The following MINAR2 variants were observed in gnomAD, a reference collection of about 807,000 sequenced individuals.
MINAR2 encodes major intrinsically disordered NOTCH2-binding receptor 1-like.
Under a neutral mutation model 16.1 loss-of-function variants are expected in MINAR2, and 21 were observed. The observed-to-expected ratio is 1.31, with a 90% CI of 0.93 to 1.88. The LOEUF is 1.88. Among genes scored for constraint, MINAR2 ranks in the 40% most tolerant of loss-of-function variants. MINAR2 has a pLI of 0.00. For missense variants in MINAR2, 259 were observed against 229.8 expected, an observed-to-expected ratio of 1.13 and a Z score of -0.82; for synonymous variants, 86 against 83.0, an observed-to-expected ratio of 1.04 and a Z score of -0.20.
chr5:129,758,112 G>A (rs1758079095), intron 1 of MINAR2, among the ~76,000 whole-genome samples: 1 of 151,866 alleles, frequency 6.6e-6, no homozygotes, highest in Non-Finnish European at 1.5e-5. Context: ...GCTTAATACA[G>A]AAAAGCCTAG....
At chr5:129,756,934 T>TAAAAAAAA (rs34547893) in intron 1 of MINAR2, among the ~76,000 whole-genome samples, 7 of 73,986 alleles carry the variant, frequency 9.5e-5, no homozygotes, top group South Asian at 5.0e-4. Context: ...CTTTCCACAG[T>TAAAAAAAA]AAAAAAAAAA....
In MINAR2 at chr5:129,765,135, A is replaced by T. The variant is rs368409257; in HGVS notation, c.*72A>T. The T allele has an allele frequency of 2.5e-6, 2 of 798,662 alleles. No homozygotes were observed. 49.5% of individuals were successfully genotyped at this position (798,662 alleles called of 1,614,324 possible). On this transcript the variant is annotated 3_prime_UTR_variant, in exon 3 of 3. Coordinates refer to ENST00000564719, the MANE Select transcript of MINAR2 (RefSeq NM_001257308.2). ...CTGATAAACATTTGAAACCCCCCCCACCAAAATAACAAAAAAACACATGTA... is the reference window on the plus strand; with the variant it reads ...CTGATAAACATTTGAAACCCCCCCCTCCAAAATAACAAAAAAACACATGTA...
intron 1 of MINAR2, among the ~76,000 whole-genome samples, chr5:129,753,310 C>T (rs1758009504): frequency 6.6e-6 from 1 of 151,616 alleles, no homozygotes. Flanking sequence ...ATGGCAAAAC[C>T]CCATCTATAG....
Position 129,748,382 on chromosome 5 carries a change from G to A in MINAR2, c.165+27G>A, listed in dbSNP as rs78028068. 3.2e-4 allele frequency: 490 copies of A among 1,527,328 alleles called. 1 individual carries two copies. Among genetic ancestry groups the A allele is most frequent in the African/African-American group, 3.1e-3 (227 of 72,708 alleles). 94.6% of individuals were successfully genotyped at this position (1,527,328 alleles called of 1,614,324 possible). On this transcript the variant is annotated intron_variant, in intron 1 of 2. Coordinates refer to ENST00000564719, the MANE Select transcript of MINAR2 (RefSeq NM_001257308.2). ...TAAGATCTAGGGGCACAAAAATACG[G>A]GGATGGAGGCTTGTTTCTTTCTCGC...
At chr5:129,749,007 T>G (rs1031291697) in intron 1 of MINAR2, among the ~76,000 whole-genome samples, 2 of 152,208 alleles carry the variant, frequency 1.3e-5, no homozygotes, top group African/African-American at 2.4e-5. Context: ...TCTTTTCTTT[T>G]GCATTTTCCT....
intron 1 of MINAR2, among the ~76,000 whole-genome samples, chr5:129,752,764 A>G (rs936384084): frequency 6.8e-6 from 1 of 147,700 alleles, no homozygotes; most frequent in Non-Finnish European, 1.5e-5. Context: ...ATGGCAAGAA[A>G]GAAAAATGTG....
At chr5:129,750,150 A>G (rs1004207313) in intron 1 of MINAR2, among the ~76,000 whole-genome samples, 7 of 152,206 alleles carry the variant, frequency 4.6e-5, no homozygotes, top group African/African-American at 1.7e-4. Flanking sequence ...AACAACAACA[A>G]TATTCACCAC....
chr5:129,760,618 A>G lies in MINAR2; in HGVS notation c.393+13A>G. 2 of 1,518,112 alleles carry G rather than the reference A, an allele frequency of 1.3e-6. No homozygotes were observed. The highest frequency in any genetic ancestry group is 2.4e-5 in the South Asian group (2 of 83,590). 94.0% of individuals were successfully genotyped at this position (1,518,112 alleles called of 1,614,324 possible). A position where few individuals can be genotyped will look rare whatever the true frequency, so the allele number is the denominator to read the frequency against. On this transcript the variant is annotated intron_variant, in intron 2 of 2. Coordinates refer to ENST00000564719, the MANE Select transcript of MINAR2 (RefSeq NM_001257308.2). Reference sequence around the variant, plus strand: ...TGGACATCTGAAGGTACTCACGACTAAGAGTCAACCTCTTCAACTGATAAG... The same window carrying G: ...TGGACATCTGAAGGTACTCACGACTGAGAGTCAACCTCTTCAACTGATAAG...
chr5:129,760,404 A>T lies in MINAR2; in HGVS notation c.192A>T (p.Gln64His). 1 of 1,535,674 alleles carries T rather than the reference A, an allele frequency of 6.5e-7. No individual in the cohort carries two copies. The highest frequency in any genetic ancestry group is 8.7e-7 in the Non-Finnish European group (1 of 1,146,532). ...SQREKKNIAA[Q>H]RIRGSSADSL... ...GGGAAAAGAAGAATATTGCTGCTCA[A>T]CGAATTAGGGGATCCAGTGCAGACA... Residue 64 changes from glutamine to histidine, a missense_variant, in exon 2 of 3, where the codon CAA becomes CAT. Transcript: ENST00000564719.
chr5:129,751,123 T>C (rs961856418), intron 1 of MINAR2, among the ~76,000 whole-genome samples: 1 of 152,218 alleles, frequency 6.6e-6, no homozygotes, highest in Admixed American at 6.5e-5. Flanking sequence ...CAATGACTTA[T>C]CATCTAACTT....
intron 1 of MINAR2, among the ~76,000 whole-genome samples, chr5:129,753,763 G>GAGAGAGAGTGAGAGCGTC (rs1758017706): frequency 6.6e-6 from 1 of 151,016 alleles, no homozygotes; most frequent in South Asian, 2.1e-4. Context: ...AAGAGAGAGA[G>GAGAGAGAGTGAGAGCGTC]AGAGAGAGTG....
At position 129,748,242 on chromosome 5, in the gene MINAR2, C is replaced by T. The variant is rs538504066; in HGVS notation, c.52C>T (p.Leu18Phe). 179 of 1,535,226 alleles carry T rather than the reference C, an allele frequency of 1.2e-4. No individual in the cohort carries two copies. The African/African-American group carries it at 2.2e-3, about 19-fold the overall frequency. ...CAACCATCCTGACAAATTCCTGCAGCTTGACGTAAAGTCTTTAACGAGGAG... is the reference window on the plus strand; with the variant it reads ...CAACCATCCTGACAAATTCCTGCAGTTTGACGTAAAGTCTTTAACGAGGAG... The part of the protein sequence containing the change: ...NNNHPDKFLQ[L>F]DVKSLTRSSA... Residue 18 changes from leucine to phenylalanine, a missense_variant, in exon 1 of 3, where the codon CTT (leucine) becomes TTT (phenylalanine). Transcript: ENST00000564719.
At position 129,750,234 on chromosome 5, in the gene MINAR2, T is replaced by C. The variant is rs549636289; in HGVS notation, c.165+1879T>C. ...TAAAATCCATGATTGATATATTCATTGGATAAAACAATAAATGTCATAGAA... is the reference window on the plus strand; with the variant it reads ...TAAAATCCATGATTGATATATTCATCGGATAAAACAATAAATGTCATAGAA... On this transcript the variant is annotated intron_variant, in intron 1 of 2. Coordinates refer to ENST00000564719, the MANE Select transcript of MINAR2 (RefSeq NM_001257308.2). Among the ~76,000 whole-genome samples, 3 of 152,310 alleles carry C rather than the reference T, an allele frequency of 2.0e-5. No homozygotes were observed. In the East Asian group the frequency reaches 5.8e-4, roughly 29 times the overall value.
rs967460674 is a variant in MINAR2 at position 129,760,446 on chromosome 5, T to G, written c.234T>G (p.Asp78Glu). Residue 78 changes from aspartate (D) to glutamate (E), a missense_variant, in exon 2 of 3, where the codon GAT becomes GAG. Transcript: ENST00000564719. ...GSSADSLVTA[D>E]SPPPSMSSVM... is the part of the protein sequence containing the mutation. ...GTGCAGACAGCCTTGTCACTGCTGATAGCCCCCCACCATCCATGTCATCAG... is the reference window on the plus strand; with the variant it reads ...GTGCAGACAGCCTTGTCACTGCTGAGAGCCCCCCACCATCCATGTCATCAG... 39 of 1,535,844 alleles carry G rather than the reference T, an allele frequency of 2.5e-5. No individual in the cohort carries two copies. The Middle Eastern group carries it at 1.2e-3, about 46-fold the overall frequency.
intron 1 of MINAR2, among the ~76,000 whole-genome samples, chr5:129,752,203 C>T (rs1390432724): frequency 6.6e-6 from 1 of 152,098 alleles, no homozygotes; most frequent in Non-Finnish European, 1.5e-5. Context: ...ACCATTTGAC[C>T]CAGCAATCCC....
chr5:129,761,213 C>A (rs927793903), intron 2 of MINAR2, among the ~76,000 whole-genome samples: 2 of 152,162 alleles, frequency 1.3e-5, no homozygotes, highest in African/African-American at 4.8e-5. Context: ...TGTTTGCCCC[C>A]ACTGGTGTCA....
intron 1 of MINAR2, among the ~76,000 whole-genome samples, chr5:129,754,902 A>G (rs925002736): frequency 1.3e-5 from 2 of 152,136 alleles, no homozygotes; most frequent in African/African-American, 2.4e-5. Context: ...GGACATTGTG[A>G]TTACTAGCAT....
At chr5:129,757,025 A>T (rs2149545850) in intron 1 of MINAR2, among the ~76,000 whole-genome samples, 1 of 148,112 alleles carries the variant, frequency 6.8e-6, no homozygotes, top group South Asian at 2.1e-4. Context: ...TTTATATATA[A>T]TGGTATATGA....
Position 129,760,735 on chromosome 5 carries a change from G to T in MINAR2, c.393+130G>T, listed in dbSNP as rs1046273951. 10 of 708,322 alleles carry T rather than the reference G, an allele frequency of 1.4e-5. No homozygotes were observed. In the African/African-American group the frequency reaches 1.6e-4, roughly 11 times the overall value. 43.9% of individuals were successfully genotyped at this position (708,322 alleles called of 1,614,324 possible). A position where few individuals can be genotyped will look rare whatever the true frequency, so the allele number is the denominator to read the frequency against. On this transcript the variant is annotated intron_variant, in intron 2 of 2. Transcript: ENST00000564719. ...GAATCTCTAGATTTCAGAGCATTTTGGCTCCTGGCTTTTCTTTCTCCCTCC... is the reference window on the plus strand; with the variant it reads ...GAATCTCTAGATTTCAGAGCATTTTTGCTCCTGGCTTTTCTTTCTCCCTCC...
Sources: allele counts gnomAD v4.1 joint callset (sites outside exome capture counted in the v4.1 genomes callset), GRCh38; gene constraint gnomAD v4.1.1; transcripts MANE v1.5; gene names NCBI Gene and HGNC (gene_info 2026-07-23, HGNC 2026-07-21).